Variants in SPAG6 observed in about 807,000 individuals in gnomAD.
The protein encoded by SPAG6 is sperm-associated antigen 6.
A neutral mutation model predicts 58.5 loss-of-function variants in SPAG6; 49 were observed. The observed-to-expected ratio is 0.84, with a 90% confidence interval of 0.67 to 1.06. The LOEUF is 1.06. Among genes scored for constraint, SPAG6 ranks in the 50% least tolerant of loss-of-function variants. The pLI is 0.00. For synonymous variants in SPAG6, 233 were observed against 225.6 expected, an observed-to-expected ratio of 1.03 and a Z score of -0.29; for missense variants, 560 against 611.3, an observed-to-expected ratio of 0.92 and a Z score of 0.89.
chr10:22,358,286 G>A (rs1011980016), intron 2 of SPAG6, among the ~76,000 whole-genome samples: 5 of 152,148 alleles, frequency 3.3e-5, no homozygotes, highest in African/African-American at 4.8e-5. Flanking sequence ...TCTAACTGGT[G>A]TGAGATGGTA....
chr10:22,408,629 G>A (rs1453552931), intron 9 of SPAG6, among the ~76,000 whole-genome samples: 1 of 152,050 alleles, frequency 6.6e-6, no homozygotes, highest in Non-Finnish European at 1.5e-5. Context: ...GCCTACAGAG[G>A]CAGGCAGGCC....
At position 22,413,688 on chromosome 10, in the gene SPAG6, G is replaced by GATATATATATATATAT. The variant is rs59765652; in HGVS notation, c.1460+2517_1460+2532dup. ...ACCTGACTAATGTTTTCAAATTTCT[G>GATATATATATATATAT]ATATATATATATATATATATTTCAC... On this transcript the variant is annotated intron_variant, in intron 10 of 10. Transcript: ENST00000376624. 3.4e-3 allele frequency among the ~76,000 whole-genome samples: 476 copies of GATATATATATATATAT among 141,608 alleles called. 11 individuals carry two copies. The highest frequency in any genetic ancestry group is 0.013 in the African/African-American group (447 of 35,258). 92.9% of individuals were successfully genotyped at this position (141,608 alleles called of 152,430 possible).
chr10:22,405,856 T>C (rs867622573), intron 9 of SPAG6, among the ~76,000 whole-genome samples: 32 of 152,340 alleles, frequency 2.1e-4, no homozygotes, highest in Admixed American at 1.8e-3. Context: ...TCTTCCTGGT[T>C]TAGTGTTGGG....
At position 22,382,055 on chromosome 10, in the gene SPAG6, G is replaced by T. The variant is rs1263631272; in HGVS notation, c.473-4699G>T. 2.6e-5 allele frequency among the ~76,000 whole-genome samples: 4 copies of T among 152,158 alleles called. No homozygotes were observed. The East Asian group carries it at 7.7e-4, about 29-fold the overall frequency. On this transcript the variant is annotated intron_variant, in intron 4 of 10. Coordinates refer to ENST00000376624, the MANE Select transcript of SPAG6 (RefSeq NM_012443.4). ...CACAGAATGAAATTCTTAAGAAAAT[G>T]CAACTGTGTGAGAAGCAAAGTCTTG... is the stretch of plus-strand genomic sequence containing the variant.
At chr10:22,355,129 T>C (rs1251469565) in intron 2 of SPAG6, among the ~76,000 whole-genome samples, 1 of 152,192 alleles carries the variant, frequency 6.6e-6, no homozygotes, top group African/African-American at 2.4e-5. Context: ...TATATACCCT[T>C]TGGTATACAT....
rs1836520814 is a variant in SPAG6, at chr10:22,346,144, C to T, written c.121+326C>T. ...AATGAGACCCATTTTATCCAAGTGC[C>T]ATTTTGCATGCCACCCTGCCTTTGA... On this transcript the variant is annotated intron_variant, in intron 2 of 10. Transcript: ENST00000376624. The T allele has an allele frequency of 3.7e-6, 5 of 1,335,006 alleles. No individual in the cohort carries two copies. In the South Asian group the frequency reaches 6.7e-5, roughly 18 times the overall value. 82.7% of individuals were successfully genotyped at this position (1,335,006 alleles called of 1,614,324 possible). A position where few individuals can be genotyped will look rare whatever the true frequency, so the allele number is the denominator to read the frequency against.
In SPAG6 at chr10:22,378,121, C is replaced by T. The variant is rs545934827; in HGVS notation, c.473-8633C>T. Among the ~76,000 whole-genome samples the T allele has an allele frequency of 2.0e-4, 28 of 140,338 alleles. No homozygotes were observed. The South Asian group carries it at 5.3e-3, about 26-fold the overall frequency. 92.1% of individuals were successfully genotyped at this position (140,338 alleles called of 152,430 possible). ...CTCTGTCACCCAGACTGGAGTGCAG[C>T]GGTGCAATCTCAGCTCTCTGCAACC... On this transcript the variant is annotated intron_variant, in intron 4 of 10. Coordinates refer to ENST00000376624, the MANE Select transcript of SPAG6 (RefSeq NM_012443.4).
At chr10:22,384,352 G>T (rs72814841) in intron 4 of SPAG6, among the ~76,000 whole-genome samples, 69 of 152,280 alleles carry the variant, frequency 4.5e-4, no homozygotes, top group Non-Finnish European at 8.5e-4. Context: ...AGCTGACGAT[G>T]GCTATCGGGT....
At chr10:22,388,324 C>T (rs1471533577) in intron 6 of SPAG6, among the ~76,000 whole-genome samples, 2 of 152,060 alleles carry the variant, frequency 1.3e-5, no homozygotes, top group African/African-American at 4.8e-5. Flanking sequence ...GTTGAGAACA[C>T]TGGGTTATAT....
At chr10:22,405,827 A>C (rs986717768) in intron 9 of SPAG6, among the ~76,000 whole-genome samples, 1 of 152,248 alleles carries the variant, frequency 6.6e-6, no homozygotes, top group Non-Finnish European at 1.5e-5. Flanking sequence ...CTGTTATTGG[A>C]CTATTCAGAG....
chr10:22,401,891 A>T (rs1051897988), intron 9 of SPAG6, among the ~76,000 whole-genome samples: 4 of 152,208 alleles, frequency 2.6e-5, no homozygotes, highest in African/African-American at 4.8e-5. Flanking sequence ...GTTACCACAG[A>T]CACTGATAGT....
In SPAG6 at chr10:22,416,604, T is replaced by C. The variant is rs1834869986; in HGVS notation, c.1461-15T>C. 6.5e-7 allele frequency: 1 copy of C among 1,539,222 alleles called. No individual in the cohort carries two copies. Among genetic ancestry groups the C allele is most frequent in the Non-Finnish European group, 9.0e-7 (1 of 1,112,408 alleles). On this transcript the variant is annotated splice_polypyrimidine_tract_variant and intron_variant, in intron 10 of 10. Coordinates refer to ENST00000376624, the MANE Select transcript of SPAG6 (RefSeq NM_012443.4). ...ATCGTTTCACCAGCATTTAATAGTG[T>C]ATTTTCTTTTTCAGGTATTATTCCC...
At chr10:22,406,529 A>C (rs1434498456) in intron 9 of SPAG6, among the ~76,000 whole-genome samples, 1 of 152,040 alleles carries the variant, frequency 6.6e-6, no homozygotes, top group East Asian at 1.9e-4. Flanking sequence ...CTGTTGTTTT[A>C]CATTTGCTGA....
intron 10 of SPAG6, among the ~76,000 whole-genome samples, chr10:22,414,367 C>T (rs1834819322): frequency 6.6e-6 from 1 of 152,168 alleles, no homozygotes; most frequent in Admixed American, 6.5e-5. Flanking sequence ...TCTGGAGGCT[C>T]ATATTGGTTC....
intron 9 of SPAG6, among the ~76,000 whole-genome samples, chr10:22,403,556 C>T (rs1465524242): frequency 6.6e-6 from 1 of 151,534 alleles, no homozygotes; most frequent in Non-Finnish European, 1.5e-5. Context: ...TGGGTTGGTT[C>T]CAAGTCTTTG....
chr10:22,384,295 A>G (rs1159958304), intron 4 of SPAG6, among the ~76,000 whole-genome samples: 1 of 152,176 alleles, frequency 6.6e-6, no homozygotes, highest in African/African-American at 2.4e-5. Flanking sequence ...AGTTGCTTCC[A>G]GCTGACTTCT....
Position 22,391,922 on chromosome 10 carries a change from T to C in SPAG6, c.1197+2T>C, listed in dbSNP as rs1433038366. On this transcript the variant is annotated splice_donor_variant, in intron 8 of 10. Coordinates refer to ENST00000376624, the MANE Select transcript of SPAG6 (RefSeq NM_012443.4). LOFTEE classifies it high-confidence loss of function. ...AGTTCTGAGGATCTCCAAGTAAAAG[T>C]AAGTGCTTAATTCTGTTTTATGAAG... is the stretch of plus-strand genomic sequence containing the variant. The C allele has an allele frequency of 6.2e-7, 1 of 1,603,906 alleles. No homozygotes were observed. The highest frequency in any genetic ancestry group is 8.5e-7 in the Non-Finnish European group (1 of 1,172,386).
chr10:22,392,815 A>T (rs931488775), intron 8 of SPAG6, among the ~76,000 whole-genome samples: 6 of 152,156 alleles, frequency 3.9e-5, no homozygotes, highest in Admixed American at 1.3e-4. Flanking sequence ...ATGTATAGTG[A>T]ATTATCTATT....
At chr10:22,403,930 C>T (rs1047868805) in intron 9 of SPAG6, among the ~76,000 whole-genome samples, 12 of 151,636 alleles carry the variant, frequency 7.9e-5, no homozygotes, top group African/African-American at 2.9e-4. Context: ...GCATAAATGT[C>T]TTCTTTTGAG....
Sources: gnomAD v4.1 joint callset for allele counts (sites outside exome capture counted in the v4.1 genomes callset) on GRCh38, gnomAD v4.1.1 for gene constraint, MANE v1.5 for transcripts, NCBI Gene and HGNC (gene_info 2026-07-23, HGNC 2026-07-21) for gene names.